The following STAT5B variants were observed in gnomAD, a reference collection of about 807,000 sequenced individuals.
STAT5B encodes the protein transcription factor STAT5B.
STAT5B carries 21 observed loss-of-function variants against 107.8 expected under a neutral mutation model. That is an observed-to-expected ratio of 0.19 (90% CI 0.14 to 0.28). The LOEUF is 0.28. Ranked by LOEUF, STAT5B falls within the 10% of genes least tolerant of loss-of-function variation. STAT5B has a pLI of 1.00. For synonymous variants in STAT5B, 325 were observed against 401.7 expected, an observed-to-expected ratio of 0.81 and a Z score of 2.28; for missense variants, 565 against 1,008.2, an observed-to-expected ratio of 0.56 and a Z score of 5.95.
chr17:42,239,069 G>A (rs2144319136), intron 1 of STAT5B, among the ~76,000 whole-genome samples: 1 of 151,826 alleles, frequency 6.6e-6, no homozygotes, highest in Non-Finnish European at 1.5e-5. Context: ...CCAAAATGGT[G>A]AAAACCCATC....
At chr17:42,236,016 T>G (rs2080354173) in intron 1 of STAT5B, among the ~76,000 whole-genome samples, 1 of 152,202 alleles carries the variant, frequency 6.6e-6, no homozygotes, top group Admixed American at 6.5e-5. Flanking sequence ...TTAGATTATT[T>G]CTTAGTTTTC....
At chr17:42,243,438 TGA>T (rs1227658341) in intron 1 of STAT5B, among the ~76,000 whole-genome samples, 2 of 152,288 alleles carry the variant, frequency 1.3e-5, no homozygotes, top group Admixed American at 6.5e-5. Flanking sequence ...CTAAATTTCT[TGA>T]GAGTGACAAT....
At chr17:42,233,654 A>C (rs1355187320) in intron 1 of STAT5B, among the ~76,000 whole-genome samples, 1 of 151,696 alleles carries the variant, frequency 6.6e-6, no homozygotes, top group Non-Finnish European at 1.5e-5. Flanking sequence ...CCACGCCCGG[A>C]TAATTTTTTG....
chr17:42,229,322 G>A (rs1013110435), intron 2 of STAT5B, among the ~76,000 whole-genome samples: 1 of 151,690 alleles, frequency 6.6e-6, no homozygotes, highest in Admixed American at 6.6e-5. Flanking sequence ...GCTAATTTTT[G>A]TATTTTTAAT....
At chr17:42,227,929 GC>G (rs1441776119) in intron 2 of STAT5B, among the ~76,000 whole-genome samples, 2 of 152,072 alleles carry the variant, frequency 1.3e-5, no homozygotes, top group Non-Finnish European at 1.5e-5. Context: ...ACAATGTGCT[GC>G]CCTTCTTCCT....
intron 1 of STAT5B, among the ~76,000 whole-genome samples, chr17:42,272,860 A>G (rs1029004071): frequency 1.3e-5 from 2 of 152,190 alleles, no homozygotes; most frequent in African/African-American, 4.8e-5. Flanking sequence ...CAACTCTGAA[A>G]CCATCAAAAG....
At chr17:42,227,426 G>A (rs1598310992) in intron 3 of STAT5B, 103 bp downstream of exon 3, 9 of 1,496,392 alleles carry the variant, frequency 6.0e-6, no homozygotes, top group South Asian at 2.4e-5. Flanking sequence ...CCTTATGCAC[G>A]TGTAACTCAA....
the STAT5B span, among the ~76,000 whole-genome samples, chr17:42,287,068 C>T: frequency 6.6e-6 from 1 of 152,200 alleles, no homozygotes; most frequent in African/African-American, 2.4e-5. Context: ...AGCAAGGCTT[C>T]CCTACATCCT....
At chr17:42,251,998 CA>C (rs78151719) in intron 1 of STAT5B, among the ~76,000 whole-genome samples, 134 of 69,366 alleles carry the variant, frequency 1.9e-3, no homozygotes, top group Admixed American at 2.2e-3. Flanking sequence ...GGCTCCGTCT[CA>C]AAAAAAAAAA....
chr17:42,201,852 G>A lies in STAT5B; in HGVS notation c.2250C>T (p.Val750=), dbSNP rs765726344. 4 of 1,613,810 alleles carry A rather than the reference G, an allele frequency of 2.5e-6. No individual in the cohort carries two copies. In the Admixed American group the frequency reaches 6.7e-5, roughly 27 times the overall value. ...YNMYPQNPDS[V]LDTDGDFDLE... is the part of the protein sequence containing the mutation. The stretch of plus-strand genomic sequence containing the variant: ...GATCGAAGTCCCCATCGGTGTCAAG[G>A]ACTGAGTCAGGGCTTGGGAGGGAAA... The change falls in exon 19 of 19, where the codon GTC becomes GTT. Residue 750 remains valine, a synonymous_variant. Coordinates refer to ENST00000293328, the MANE Select transcript of STAT5B (RefSeq NM_012448.4).
chr17:42,231,917 G>A, intron 2 of STAT5B, 83 bp downstream of exon 2: 2 of 1,584,574 alleles, frequency 1.3e-6, no homozygotes, highest in Non-Finnish European at 1.7e-6. Flanking sequence ...AACTTTGAAA[G>A]TTGCCATCAT....
At chr17:42,253,032 G>C (rs2080512329) in intron 1 of STAT5B, among the ~76,000 whole-genome samples, 3 of 152,190 alleles carry the variant, frequency 2.0e-5, no homozygotes, top group African/African-American at 7.2e-5. Context: ...AGATGATGAG[G>C]TTCTATACCC....
intron 1 of STAT5B, among the ~76,000 whole-genome samples, chr17:42,261,552 AT>A (rs1238821770): frequency 2.6e-5 from 4 of 151,886 alleles, no homozygotes; most frequent in Non-Finnish European, 4.4e-5. Flanking sequence ...TAGATTTTTT[AT>A]TTTTTATTTT....
chr17:42,216,185 T>A (rs2080170644), intron 11 of STAT5B, 79 bp from the exon 12 acceptor site: 2 of 1,244,360 alleles, frequency 1.6e-6, no homozygotes, highest in Non-Finnish European at 2.3e-6. Flanking sequence ...TTTCTTATTA[T>A]AACAACACTT....
At chr17:42,233,110 T>A (rs2080330474) in intron 1 of STAT5B, among the ~76,000 whole-genome samples, 1 of 152,138 alleles carries the variant, frequency 6.6e-6, no homozygotes, top group Non-Finnish European at 1.5e-5. Context: ...GGGCTGGGGT[T>A]ATAGGTGTGA....
Position 42,217,440 on chromosome 17 carries a change from G to T in STAT5B, c.1194C>A (p.Asn398Lys). Residue 398 changes from asparagine (N) to lysine (K), a missense_variant, in exon 10 of 19, where the codon AAC (asparagine) becomes AAA (lysine). Transcript: ENST00000293328. ...GGTGGTACTCCATGACGCAGCAGTT[G>T]TTCAAGATCTCGCCACTGTAATCAC... Reference protein sequence around the residue: ...TRNDYSGEILNNCCVMEYHQA... With the variant: ...TRNDYSGEILKNCCVMEYHQA... 6.2e-7 allele frequency: 1 copy of T among 1,614,222 alleles called. No homozygotes were observed. The highest frequency in any genetic ancestry group is 8.5e-7 in the Non-Finnish European group (1 of 1,180,044).
intron 1 of STAT5B, among the ~76,000 whole-genome samples, chr17:42,265,377 C>CTTTTTTTTTTTCTTTTT (rs2080660083): frequency 9.0e-6 from 1 of 110,596 alleles, no homozygotes; most frequent in African/African-American, 3.6e-5. Context: ...ATGTACTCTT[C>CTTTTTTTTTTTCTTTTT]TTTTTTTTTT....
intron 16 of STAT5B, among the ~76,000 whole-genome samples, chr17:42,204,711 C>T (rs2080072408): frequency 1.3e-5 from 2 of 152,240 alleles, no homozygotes; most frequent in Admixed American, 6.5e-5. Context: ...AATTCCTGGG[C>T]TCAACCAATC....
intron 2 of STAT5B, among the ~76,000 whole-genome samples, chr17:42,229,483 G>A (rs537582218): frequency 2.0e-5 from 3 of 151,658 alleles, no homozygotes; most frequent in Admixed American, 1.3e-4. Context: ...CAGTCTCTGA[G>A]CAAAACTCAC....
Sources: allele counts gnomAD v4.1 joint callset (sites outside exome capture counted in the v4.1 genomes callset), GRCh38; gene constraint gnomAD v4.1.1; transcripts MANE v1.5; gene names NCBI Gene and HGNC (gene_info 2026-07-23, HGNC 2026-07-21).